The following FHIT variants were observed in gnomAD, a reference collection of about 807,000 sequenced individuals.
FHIT encodes the protein fragile histidine triad diadenosine triphosphatase, also known as bis(5'-adenosyl)-triphosphatase.
A neutral mutation model predicts 17.9 loss-of-function variants in FHIT; 19 were observed. That is an observed-to-expected ratio of 1.06 (90% CI 0.74 to 1.56). The LOEUF (loss-of-function observed/expected upper bound fraction) is 1.56. FHIT is among the 40% of genes most tolerant of loss of function. The probability of loss-of-function intolerance (pLI) is 0.00; values close to 1 mark genes in which losing one functional copy is unlikely to be tolerated. For synonymous variants in FHIT, 81 were observed against 69.7 expected, an observed-to-expected ratio of 1.16 and a Z score of -0.81; for missense variants, 248 against 189.2, an observed-to-expected ratio of 1.31 and a Z score of -1.82.
intron 3 of FHIT, among the ~76,000 whole-genome samples, chr3:60,917,161 A>T (rs1707048752): frequency 6.6e-6 from 1 of 152,244 alleles, no homozygotes; most frequent in Admixed American, 6.5e-5. Flanking sequence ...GAATTGTAAA[A>T]TGAAAATAAA....
intron 5 of FHIT, among the ~76,000 whole-genome samples, chr3:60,383,258 ATCTCATTTT>A (rs1700879541): frequency 7.2e-5 from 11 of 152,290 alleles, no homozygotes; most frequent in Middle Eastern, 3.4e-3. Flanking sequence ...ACTGGGTGAG[ATCTCATTTT>A]ATAATGGCCT....
At chr3:60,393,252 G>T (rs1701302210) in intron 5 of FHIT, among the ~76,000 whole-genome samples, 1 of 151,926 alleles carries the variant, frequency 6.6e-6, no homozygotes, top group South Asian at 2.1e-4. Context: ...AAACTTCATG[G>T]AGTTTATGTT....
chr3:60,943,131 G>A (rs2107426312), intron 3 of FHIT, among the ~76,000 whole-genome samples: 1 of 152,216 alleles, frequency 6.6e-6, no homozygotes, highest in South Asian at 2.1e-4. Flanking sequence ...AACCGGTTAT[G>A]TGGTTTAAAT....
chr3:59,990,232 C>G (rs1304042237), intron 7 of FHIT, among the ~76,000 whole-genome samples: 1 of 151,944 alleles, frequency 6.6e-6, no homozygotes, highest in Non-Finnish European at 1.5e-5. Flanking sequence ...AAAATATCCC[C>G]AGTGAGATCT....
At chr3:60,235,693 G>A (rs1028603922) in intron 5 of FHIT, among the ~76,000 whole-genome samples, 1 of 152,112 alleles carries the variant, frequency 6.6e-6, no homozygotes, top group African/African-American at 2.4e-5. Context: ...CCACTGTGAT[G>A]TCAATTTTAT....
At chr3:61,210,298 C>A (rs1277843156) in intron 1 of FHIT, among the ~76,000 whole-genome samples, 1 of 152,200 alleles carries the variant, frequency 6.6e-6, no homozygotes, top group East Asian at 1.9e-4. Context: ...AGATCTCAAG[C>A]TGCGTGCTGG....
chr3:59,952,784 G>A (rs957715941), intron 7 of FHIT, among the ~76,000 whole-genome samples: 2 of 152,154 alleles, frequency 1.3e-5, no homozygotes, highest in Non-Finnish European at 2.9e-5. Context: ...GTCCTGGTTA[G>A]GATTTGGAGG....
At chr3:60,537,064 C>G in intron 4 of FHIT, 85 bp from the exon 5 acceptor site, 2 of 1,088,286 alleles carry the variant, frequency 1.8e-6, no homozygotes, top group Non-Finnish European at 2.5e-6. Context: ...AATTCCATTA[C>G]TACAGATTCT....
At chr3:59,955,637 T>A (rs547633732) in intron 7 of FHIT, among the ~76,000 whole-genome samples, 5 of 152,252 alleles carry the variant, frequency 3.3e-5, no homozygotes, top group South Asian at 2.1e-4. Flanking sequence ...GAACTCTCCA[T>A]TGCCCCATTC....
At chr3:59,753,726 A>G (rs74726347) in intron 8 of FHIT, among the ~76,000 whole-genome samples, 1,603 of 152,280 alleles carry the variant, frequency 0.011, 32 homozygotes, top group African/African-American at 0.036. Flanking sequence ...AATCCTTACA[A>G]TAACTCATAA....
intron 5 of FHIT, among the ~76,000 whole-genome samples, chr3:60,185,135 G>A (rs1176715593): frequency 2.0e-5 from 3 of 152,124 alleles, no homozygotes; most frequent in African/African-American, 7.2e-5. Flanking sequence ...TGGGTGTTAG[G>A]TGTATTTGTT....
intron 3 of FHIT, among the ~76,000 whole-genome samples, chr3:60,994,771 C>G (rs1439856647): frequency 6.6e-6 from 1 of 152,042 alleles, no homozygotes; most frequent in Non-Finnish European, 1.5e-5. Flanking sequence ...GCAAGCAAGC[C>G]GCACAGGTGA....
intron 3 of FHIT, among the ~76,000 whole-genome samples, chr3:60,895,829 T>TA (rs1705788345): frequency 6.6e-6 from 1 of 151,384 alleles, no homozygotes; most frequent in Non-Finnish European, 1.5e-5. Flanking sequence ...ATTTTTTTTT[T>TA]AATCAGTTTT....
chr3:60,640,463 G>T (rs1249138519), intron 4 of FHIT, among the ~76,000 whole-genome samples: 2 of 152,132 alleles, frequency 1.3e-5, no homozygotes, highest in Admixed American at 1.3e-4. Flanking sequence ...AAATTTCTGG[G>T]TACTAGTGCT....
intron 7 of FHIT, among the ~76,000 whole-genome samples, chr3:59,928,896 G>A (rs1705807240): frequency 6.8e-6 from 1 of 148,026 alleles, no homozygotes; most frequent in South Asian, 2.2e-4. Context: ...TCAGGAGGCT[G>A]AGGTAGGAGA....
intron 4 of FHIT, among the ~76,000 whole-genome samples, chr3:60,716,052 A>G (rs2041675354): frequency 6.6e-6 from 1 of 152,054 alleles, no homozygotes; most frequent in African/African-American, 2.4e-5. Flanking sequence ...GGAGTTCGAG[A>G]CCAACATTGC....
At chr3:59,947,070 T>G (rs1224939855) in intron 7 of FHIT, among the ~76,000 whole-genome samples, 1 of 152,224 alleles carries the variant, frequency 6.6e-6, no homozygotes, top group Non-Finnish European at 1.5e-5. Flanking sequence ...TTTTTCAGAA[T>G]AGTTTCAGTG....
chr3:59,871,293 T>C (rs573843047), intron 8 of FHIT, among the ~76,000 whole-genome samples: 6 of 152,320 alleles, frequency 3.9e-5, no homozygotes, highest in South Asian at 4.1e-4. Flanking sequence ...AGCATCAATA[T>C]TGTAAATACG....
intron 7 of FHIT, among the ~76,000 whole-genome samples, chr3:59,940,096 C>T (rs751574922): frequency 3.9e-5 from 6 of 152,276 alleles, no homozygotes; most frequent in Middle Eastern, 3.4e-3. Flanking sequence ...TAGTCAACAC[C>T]TCAGAGCTTC....
Sources: allele counts gnomAD v4.1 joint callset (sites outside exome capture counted in the v4.1 genomes callset), GRCh38; gene constraint gnomAD v4.1.1; transcripts MANE v1.5; gene names NCBI Gene and HGNC (gene_info 2026-07-23, HGNC 2026-07-21).